Variants in SDK1 observed in about 807,000 individuals in gnomAD.
SDK1 encodes the protein sidekick cell adhesion molecule 1, also known as protein sidekick-1.
Under a neutral mutation model 245.5 loss-of-function variants are expected in SDK1, and 157 were observed. The ratio of observed to expected loss-of-function variants is 0.64; its 90% CI spans 0.56 to 0.73. The LOEUF is 0.73. Ranked by LOEUF, SDK1 falls within the 30% of genes least tolerant of loss-of-function variation. SDK1 has a pLI of 0.00. For missense variants in SDK1, 3,583 were observed against 3,002.3 expected (o/e 1.19, Z -4.52); for synonymous variants, 1,647 against 1,278.5 (o/e 1.29, Z -6.15).
At chr7:4,230,168 A>AGGGT (rs1222554145) in intron 40 of SDK1, among the ~76,000 whole-genome samples, 10 of 5,818 alleles carry the variant, frequency 1.7e-3, no homozygotes, top group East Asian at 0.015. Flanking sequence ...GAAGGAAGGA[A>AGGGT]GGGTGGGTGG....
rs28759228 is a variant in SDK1, at chr7:3,779,703, C to T, written c.714-41747C>T. On this transcript the variant is annotated intron_variant, in intron 4 of 44. Coordinates refer to ENST00000404826, the MANE Select transcript of SDK1 (RefSeq NM_152744.4). ...ATCCCAGCACTTTGGGAGGCCGAGG[C>T]GGGTGGATCATGAGGTCAGGAGATC... 5.5e-3 allele frequency among the ~76,000 whole-genome samples: 843 copies of T among 152,032 alleles called. 9 individuals are homozygous for T. Among genetic ancestry groups the T allele is most frequent in the African/African-American group, 0.019 (807 of 41,476 alleles).
intron 5 of SDK1, among the ~76,000 whole-genome samples, chr7:3,909,284 G>A (rs1779069114): frequency 6.6e-6 from 1 of 152,130 alleles, no homozygotes; most frequent in African/African-American, 2.4e-5. Context: ...CTCGGGTGGT[G>A]ACCAGATGGC....
intron 12 of SDK1, among the ~76,000 whole-genome samples, chr7:3,972,079 CTTTT>C (rs10707387): frequency 1.6e-5 from 2 of 123,342 alleles, no homozygotes; most frequent in African/African-American, 3.4e-5. Flanking sequence ...TGAGGGTTCT[CTTTT>C]TTTTTTTTTT....
intron 5 of SDK1, among the ~76,000 whole-genome samples, chr7:3,906,052 C>T (rs571312046): frequency 1.3e-5 from 2 of 152,232 alleles, no homozygotes; most frequent in South Asian, 2.1e-4. Context: ...TCTTCCCATT[C>T]ATCGTTTCTG....
In SDK1 at chr7:3,758,526, C is replaced by A. The variant is rs528247099; in HGVS notation, c.714-62924C>A. On this transcript the variant is annotated intron_variant, in intron 4 of 44. Coordinates refer to ENST00000404826, the MANE Select transcript of SDK1 (RefSeq NM_152744.4). ...GAAACTGTAATTATTTTTGTACCAA[C>A]CTAATAGATTTAATTTGTAGGTCAA... 5.3e-5 allele frequency among the ~76,000 whole-genome samples: 8 copies of A among 152,278 alleles called. No individual in the cohort carries two copies. The East Asian group carries it at 1.5e-3, about 29-fold the overall frequency.
In SDK1 at chr7:4,268,841, G is replaced by A. The variant is rs1208301365; in HGVS notation, c.*3457G>A. 2.1e-6 allele frequency: 2 copies of A among 947,282 alleles called. No homozygotes were observed. Among genetic ancestry groups the A allele is most frequent in the African/African-American group, 3.4e-5 (2 of 58,796 alleles). The allele number at this position is 947,282 out of a possible 1,614,324, so 58.7% of individuals were successfully genotyped here. A position where few individuals can be genotyped will look rare whatever the true frequency, so the allele number is the denominator to read the frequency against. On this transcript the variant is annotated 3_prime_UTR_variant, in exon 45 of 45. Coordinates refer to ENST00000404826, the MANE Select transcript of SDK1 (RefSeq NM_152744.4). The stretch of plus-strand genomic sequence containing the variant: ...ACGTCTCCTTCCCGCGTCACCTTCT[G>A]GTTTAGGGAGCCGTCAGGTCCCTAA...
Position 3,639,098 on chromosome 7 carries a change from G to C in SDK1, c.553G>C (p.Val185Leu), listed in dbSNP as rs1326812586. The stretch of plus-strand genomic sequence containing the variant: ...AGCACTCCTGCAAAGAAAATCAGAA[G>C]TTCAAGTCGCATGTATGTGTACAGT... ...MGALLQRKSE[V>L]QVAYMGSFMD... The change falls in exon 3 of 45, where the codon GTT becomes CTT. Residue 185 changes from valine to leucine, a missense_variant. Physicochemically the swap from Val to Leu is conservative, Grantham distance 32. Coordinates refer to ENST00000404826, the MANE Select transcript of SDK1 (RefSeq NM_152744.4). 2 of 1,596,512 alleles carry C rather than the reference G, an allele frequency of 1.3e-6. No individual in the cohort carries two copies. The highest frequency in any genetic ancestry group is 2.2e-5 in the South Asian group (2 of 89,092).
intron 4 of SDK1, among the ~76,000 whole-genome samples, chr7:3,750,599 A>G (rs1024045810): frequency 6.6e-6 from 1 of 152,230 alleles, no homozygotes; most frequent in South Asian, 2.1e-4. Flanking sequence ...GCCAAGGAGT[A>G]GTGTGGGGGT....
chr7:4,196,895 T>G (rs1007690616), intron 35 of SDK1, among the ~76,000 whole-genome samples: 2 of 152,240 alleles, frequency 1.3e-5, no homozygotes, highest in Non-Finnish European at 2.9e-5. Flanking sequence ...CTCCATCCCC[T>G]GACTTTTTAG....
intron 14 of SDK1, among the ~76,000 whole-genome samples, chr7:3,999,864 G>A (rs150418082): frequency 6.4e-4 from 98 of 152,348 alleles, no homozygotes; most frequent in Non-Finnish European, 1.2e-3. Flanking sequence ...AGCCTCGGGT[G>A]CATCATTCCT....
At chr7:3,978,777 C>A (rs1433219888) in intron 13 of SDK1, among the ~76,000 whole-genome samples, 1 of 152,100 alleles carries the variant, frequency 6.6e-6, no homozygotes, top group Non-Finnish European at 1.5e-5. Context: ...TCTCATATTG[C>A]CAAAGGGAAG....
Position 4,194,308 on chromosome 7 carries a change from GTATACATA to G in SDK1, c.5099-11567_5099-11560del, listed in dbSNP as rs1783424969. ...TATGTATGCACGTATGTGTATACATGTATACATATATGTATGCACGTATGTGTATACAT... is the reference window on the plus strand; with the variant it reads ...TATGTATGCACGTATGTGTATACATGTATGTATGCACGTATGTGTATACAT... On this transcript the variant is annotated intron_variant, in intron 35 of 44. Coordinates refer to ENST00000404826, the MANE Select transcript of SDK1 (RefSeq NM_152744.4). Among the ~76,000 whole-genome samples, 3 of 98,860 alleles carry G rather than the reference GTATACATA, an allele frequency of 3.0e-5. No individual in the cohort carries two copies. The East Asian group carries it at 7.8e-4, about 26-fold the overall frequency. The allele number at this position is 98,860 out of a possible 152,430, so 64.9% of individuals were successfully genotyped here. A position where few individuals can be genotyped will look rare whatever the true frequency, so the allele number is the denominator to read the frequency against.
chr7:3,396,166 A>G (rs1781891624), intron 1 of SDK1, among the ~76,000 whole-genome samples: 1 of 151,870 alleles, frequency 6.6e-6, no homozygotes, highest in African/African-American at 2.4e-5. Context: ...TATTATTCAG[A>G]TTAAAATACT....
At chr7:3,942,890 T>C (rs1216287082) in intron 5 of SDK1, among the ~76,000 whole-genome samples, 3 of 152,214 alleles carry the variant, frequency 2.0e-5, no homozygotes, top group East Asian at 1.9e-4. Context: ...TTGGAGGTTA[T>C]GCCTGAGTCT....
intron 32 of SDK1, among the ~76,000 whole-genome samples, chr7:4,168,588 G>T (rs668160): frequency 1.2e-4 from 18 of 152,306 alleles, no homozygotes; most frequent in Non-Finnish European, 2.6e-4. Flanking sequence ...CCTTCGTCAC[G>T]CCACCTGAGC....
At chr7:4,016,603 C>G (rs539843075) in intron 16 of SDK1, among the ~76,000 whole-genome samples, 1 of 152,336 alleles carries the variant, frequency 6.6e-6, no homozygotes, top group African/African-American at 2.4e-5. Context: ...TACCCAAGCA[C>G]TCACAGAGGT....
At chr7:4,014,789 C>A (rs772186672) in intron 16 of SDK1, among the ~76,000 whole-genome samples, 1 of 152,188 alleles carries the variant, frequency 6.6e-6, no homozygotes, top group Non-Finnish European at 1.5e-5. Context: ...ACATATCCTA[C>A]CAGCAAGAGG....
At chr7:4,242,825 C>A (rs1274943478) in intron 43 of SDK1, among the ~76,000 whole-genome samples, 2 of 152,182 alleles carry the variant, frequency 1.3e-5, no homozygotes, top group Non-Finnish European at 2.9e-5. Flanking sequence ...TTTGGAGATT[C>A]CCTGGGCCGC....
At chr7:3,682,983 C>G (rs558902829) in intron 4 of SDK1, among the ~76,000 whole-genome samples, 6 of 152,290 alleles carry the variant, frequency 3.9e-5, no homozygotes, top group Admixed American at 3.3e-4. Context: ...ATCCACCTGT[C>G]TCAGCCTCCC....
Sources: allele counts gnomAD v4.1 joint callset (sites outside exome capture counted in the v4.1 genomes callset), GRCh38; gene constraint gnomAD v4.1.1; transcripts MANE v1.5; gene names NCBI Gene and HGNC (gene_info 2026-07-23, HGNC 2026-07-21).